LONRF2: variants seen among roughly 807,000 people sequenced by gnomAD.
LONRF2 encodes the protein LON peptidase N-terminal domain and RING finger protein 2.
Under a neutral mutation model 66.6 loss-of-function variants are expected in LONRF2, and 35 were observed. The observed-to-expected ratio is 0.53, with a 90% confidence interval of 0.40 to 0.70. LONRF2 has a LOEUF of 0.70. Among genes scored for constraint, LONRF2 ranks in the 30% least tolerant of loss-of-function variants. The pLI, the probability that LONRF2 is intolerant of heterozygous loss-of-function variation, is 0.00. For synonymous variants in LONRF2, 417 were observed against 418.1 expected (o/e 1.00, Z 0.03); for missense variants, 902 against 1,002.1 (o/e 0.90, Z 1.35).
At chr2:100,321,360 C>T in intron 1 of LONRF2, 55 bp downstream of exon 1, 7 of 1,345,732 alleles carry the variant, frequency 5.2e-6, no homozygotes, top group Non-Finnish European at 6.7e-6. Flanking sequence ...CTCCCCACCC[C>T]GCTGCTGGGC....
Position 100,284,335 on chromosome 2 carries a change from C to A in LONRF2, c.2228G>T (p.Arg743Leu). 6.3e-7 allele frequency: 1 copy of A among 1,576,972 alleles called. No homozygotes were observed. The highest frequency in any genetic ancestry group is 1.2e-5 in the South Asian group (1 of 85,604). Residue 743 changes from arginine (R) to leucine (L), a missense_variant, in exon 12 of 12, where the codon CGG becomes CTG. Coordinates refer to ENST00000393437, the MANE Select transcript of LONRF2 (RefSeq NM_198461.4). ...LVIITRKMNSRQELANARERN... is the reference protein window; with the variant it reads ...LVIITRKMNSLQELANARERN... ...CTCCCTGGCATTAGCCAGCTCTTGCCGACTATTCATCTTACGCGTGATGAT... is the reference window on the plus strand; with the variant it reads ...CTCCCTGGCATTAGCCAGCTCTTGCAGACTATTCATCTTACGCGTGATGAT...
chr2:100,293,092 G>C (rs1164635705), intron 9 of LONRF2, among the ~76,000 whole-genome samples: 1 of 152,102 alleles, frequency 6.6e-6, no homozygotes, highest in Admixed American at 6.5e-5. Flanking sequence ...TTAGTCTTTT[G>C]CTTTTCTACA....
chr2:100,302,506 G>T (rs1037737724), intron 3 of LONRF2, among the ~76,000 whole-genome samples: 1 of 152,230 alleles, frequency 6.6e-6, no homozygotes, highest in Admixed American at 6.5e-5. Context: ...AGTGTGACTG[G>T]ATGATGGGTA....
At chr2:100,321,106 C>A (rs1233798084) in intron 1 of LONRF2, among the ~76,000 whole-genome samples, 1 of 152,186 alleles carries the variant, frequency 6.6e-6, no homozygotes, top group African/African-American at 2.4e-5. Context: ...TCGTCATCCT[C>A]CCCGCTCCTC....
chr2:100,300,694 G>A lies in LONRF2; in HGVS notation c.1015C>T (p.His339Tyr). The A allele has an allele frequency of 1.2e-6, 2 of 1,613,648 alleles. No homozygotes were observed. Among genetic ancestry groups the A allele is most frequent in the Non-Finnish European group, 1.7e-6 (2 of 1,179,876 alleles). ...TCCAGCAGAGCCTGGGCATTCATGT[G>A]GCTGTGACCCTGAGCCTTTAATCTG... Reference protein sequence around the residue: ...QSRLKAQGHSHMNAQALLEEG... With the variant: ...QSRLKAQGHSYMNAQALLEEG... The change falls in exon 4 of 12, where the codon CAC becomes TAC. Residue 339 changes from histidine to tyrosine, a missense_variant. Physicochemically the swap from His to Tyr is moderately conservative, Grantham distance 83. Transcript: ENST00000393437.
At chr2:100,288,877 G>T (rs1156411279) in intron 10 of LONRF2, among the ~76,000 whole-genome samples, 1 of 152,246 alleles carries the variant, frequency 6.6e-6, no homozygotes, top group Non-Finnish European at 1.5e-5. Context: ...ACTCAAGTGT[G>T]ATCAGCACCT....
At chr2:100,308,165 C>T (rs550195863) in intron 2 of LONRF2, among the ~76,000 whole-genome samples, 114 of 151,956 alleles carry the variant, frequency 7.5e-4, no homozygotes, top group Non-Finnish European at 1.5e-3. Flanking sequence ...GTCAGGAGAT[C>T]GAGACCATCC....
chr2:100,321,644 C>T lies in LONRF2; in HGVS notation c.450G>A (p.Leu150=), dbSNP rs764902478. 65 of 1,411,914 alleles carry T rather than the reference C, an allele frequency of 4.6e-5. No individual in the cohort carries two copies. The highest frequency in any genetic ancestry group is 5.3e-5 in the Non-Finnish European group (57 of 1,084,144). 87.5% of individuals were successfully genotyped at this position (1,411,914 alleles called of 1,614,324 possible). ...LLGCPRCRRL[L]HKPVTLPCGL... ...CGCAGGGCAGCGTCACCGGCTTATGCAGCAGCCGCCGGCAGCGCGGGCAGC... is the reference window on the plus strand; with the variant it reads ...CGCAGGGCAGCGTCACCGGCTTATGTAGCAGCCGCCGGCAGCGCGGGCAGC... The change falls in exon 1 of 12, where the codon CTG becomes CTA. Residue 150 remains leucine, a synonymous_variant. Transcript: ENST00000393437.
rs1674578785 is a variant in LONRF2 at position 100,275,342 on chromosome 2, A to C, written c.*8956T>G. 6.6e-6 allele frequency: 1 copy of C among 152,126 alleles called. No homozygotes were observed. Among genetic ancestry groups the C allele is most frequent in the South Asian group, 2.1e-4 (1 of 4,826 alleles). 9.4% of individuals were successfully genotyped at this position (152,126 alleles called of 1,614,324 possible). On this transcript the variant is annotated 3_prime_UTR_variant, in exon 12 of 12. Transcript: ENST00000393437. The stretch of plus-strand genomic sequence containing the variant: ...GGAGCAAGGAACGGCTTTCCCTGTG[A>C]GCTTGTGTTGGATGAGAGTCTGATA...
At chr2:100,315,052 A>G (rs374962055) in intron 1 of LONRF2, among the ~76,000 whole-genome samples, 29 of 152,340 alleles carry the variant, frequency 1.9e-4, no homozygotes, top group African/African-American at 7.0e-4. Flanking sequence ...ACGTCTTGCC[A>G]ATACTGAGTT....
chr2:100,315,021 C>T (rs1675477165), intron 1 of LONRF2, among the ~76,000 whole-genome samples: 1 of 152,248 alleles, frequency 6.6e-6, no homozygotes, highest in African/African-American at 2.4e-5. Flanking sequence ...CTGAATTTAC[C>T]ATTCAATCAG....
intron 1 of LONRF2, among the ~76,000 whole-genome samples, chr2:100,316,994 A>G (rs189978390): frequency 1.3e-5 from 2 of 152,290 alleles, no homozygotes; most frequent in East Asian, 3.9e-4. Context: ...TCACTTTGCC[A>G]TATCAGGCTT....
intron 10 of LONRF2, 42 bp downstream of exon 10, chr2:100,290,216 A>G (rs745372169): frequency 1.3e-6 from 2 of 1,558,858 alleles, no homozygotes. Flanking sequence ...GGGAAGCGAG[A>G]GGACCGACTG....
intron 5 of LONRF2, 97 bp from the exon 6 acceptor site, chr2:100,299,416 TC>T: frequency 1.4e-6 from 1 of 709,312 alleles, no homozygotes; most frequent in East Asian, 2.8e-5. Context: ...ACGTGTTGTA[TC>T]AATGTAACAA....
At position 100,294,300 on chromosome 2, in the gene LONRF2, C is replaced by T. The variant is rs1179228480; in HGVS notation, c.1686G>A (p.Arg562=). 1.1e-5 allele frequency: 17 copies of T among 1,609,270 alleles called. No homozygotes were observed. Among genetic ancestry groups the T allele is most frequent in the Non-Finnish European group, 1.4e-5 (16 of 1,178,356 alleles). ...TTTCCATGCATCTTCTTATCATAAG[C>T]CGATAGCGGGGCTCAAAAACGTGGA... is the stretch of plus-strand genomic sequence containing the variant. The part of the protein sequence containing the change: ...CPLHVFEPRY[R]LMIRRCMETG... Residue 562 remains arginine (R), a synonymous_variant, in exon 9 of 12, where the codon CGG becomes CGA. Coordinates refer to ENST00000393437, the MANE Select transcript of LONRF2 (RefSeq NM_198461.4).
At chr2:100,307,845 T>A (rs1272538278) in intron 2 of LONRF2, among the ~76,000 whole-genome samples, 1 of 152,260 alleles carries the variant, frequency 6.6e-6, no homozygotes, top group Non-Finnish European at 1.5e-5. Flanking sequence ...TTGCACCTGA[T>A]AAATTATATA....
Position 100,300,647 on chromosome 2 carries a change from C to T in LONRF2, c.1062G>A (p.Ser354=), listed in dbSNP as rs13006224. Residue 354 remains serine (S), a synonymous_variant, in exon 4 of 12, where the codon TCG becomes TCA. Transcript: ENST00000393437. ...ALLEEGDAGS[S]ENSSEKSDML... ...GACAAATGCATGCACGTCATACCTC[C>T]GAGCTCCCTGCATCACCTTCTTCCA... is the stretch of plus-strand genomic sequence containing the variant. The T allele has an allele frequency of 0.47, 755,670 of 1,605,598 alleles. 187,018 individuals carry two copies. Among genetic ancestry groups the T allele is most frequent in the East Asian group, 0.73 (32,597 of 44,782 alleles).
At chr2:100,301,419 T>C (rs1282493204) in intron 3 of LONRF2, among the ~76,000 whole-genome samples, 1 of 152,008 alleles carries the variant, frequency 6.6e-6, no homozygotes, top group African/African-American at 2.4e-5. Context: ...CAGAAAGGAG[T>C]GACTGAAACC....
Position 100,284,285 on chromosome 2 carries a change from A to G in LONRF2, c.*13T>C. On this transcript the variant is annotated 3_prime_UTR_variant, in exon 12 of 12. Coordinates refer to ENST00000393437, the MANE Select transcript of LONRF2 (RefSeq NM_198461.4). Reference sequence around the variant, plus strand: ...AGCACAAGGGCTGCCAGAAACCTTGACAGAGAGAAAAATCAATTATTTCTC... The same window carrying G: ...AGCACAAGGGCTGCCAGAAACCTTGGCAGAGAGAAAAATCAATTATTTCTC... 1 of 1,497,456 alleles carries G rather than the reference A, an allele frequency of 6.7e-7. No homozygotes were observed. Among genetic ancestry groups the G allele is most frequent in the Non-Finnish European group, 9.0e-7 (1 of 1,115,730 alleles). 92.8% of individuals were successfully genotyped at this position (1,497,456 alleles called of 1,614,324 possible). A position where few individuals can be genotyped will look rare whatever the true frequency, so the allele number is the denominator to read the frequency against.
Sources: allele counts gnomAD v4.1 joint callset (sites outside exome capture counted in the v4.1 genomes callset), GRCh38; gene constraint gnomAD v4.1.1; transcripts MANE v1.5; gene names NCBI Gene and HGNC (gene_info 2026-07-23, HGNC 2026-07-21).